Variants in KCNQ5 observed in about 807,000 individuals in gnomAD.
KCNQ5 encodes the protein potassium voltage-gated channel subfamily KQT member 5.
KCNQ5 carries 30 observed loss-of-function variants against 98.2 expected under a neutral mutation model. That is an observed-to-expected ratio of 0.31 (90% CI 0.23 to 0.41). The LOEUF is 0.41. Among genes scored for constraint, KCNQ5 ranks in the 10% least tolerant of loss-of-function variants. The pLI is 1.00. For missense variants in KCNQ5, 835 were observed against 1,182.5 expected, an observed-to-expected ratio of 0.71 and a Z score of 4.31; for synonymous variants, 458 against 449.4, an observed-to-expected ratio of 1.02 and a Z score of -0.24.
At chr6:73,109,412 C>T (rs73753256) in intron 6 of KCNQ5, among the ~76,000 whole-genome samples, 2,602 of 152,202 alleles carry the variant, frequency 0.017, 74 homozygotes, top group African/African-American at 0.058. Flanking sequence ...GGATTATACA[C>T]ATATATGCAC....
chr6:72,934,683 T>A (rs1765826598), intron 1 of KCNQ5, among the ~76,000 whole-genome samples: 4 of 152,232 alleles, frequency 2.6e-5, no homozygotes. Flanking sequence ...TAGGGACTAA[T>A]CCTATGCTGA....
intron 1 of KCNQ5, among the ~76,000 whole-genome samples, chr6:72,718,227 A>G (rs541633346): frequency 1.3e-5 from 2 of 152,294 alleles, no homozygotes; most frequent in South Asian, 4.1e-4. Flanking sequence ...TTAGAAATCC[A>G]TGATCTTCTA....
At chr6:72,726,605 A>G (rs1406811651) in intron 1 of KCNQ5, among the ~76,000 whole-genome samples, 1 of 152,222 alleles carries the variant, frequency 6.6e-6, no homozygotes, top group Non-Finnish European at 1.5e-5. Context: ...ACCTTTAAAA[A>G]ATCTTGTGAA....
chr6:72,706,660 A>T (rs1329942076), intron 1 of KCNQ5, among the ~76,000 whole-genome samples: 1 of 152,240 alleles, frequency 6.6e-6, no homozygotes, highest in Admixed American at 6.5e-5. Flanking sequence ...TAATACAGCA[A>T]CCTAAACTGA....
chr6:72,834,522 G>C (rs550152858), intron 1 of KCNQ5, among the ~76,000 whole-genome samples: 1 of 152,168 alleles, frequency 6.6e-6, no homozygotes, highest in East Asian at 1.9e-4. Flanking sequence ...TGCAAGACCT[G>C]ATTACAGGTA....
At chr6:72,932,183 T>C (rs1221765036) in intron 1 of KCNQ5, among the ~76,000 whole-genome samples, 2 of 152,044 alleles carry the variant, frequency 1.3e-5, no homozygotes, top group African/African-American at 4.8e-5. Context: ...GTCTTAATAA[T>C]AGAAACATTG....
At chr6:72,987,557 G>T in intron 1 of KCNQ5, 1 of 643,608 alleles carries the variant, frequency 1.6e-6, no homozygotes, top group Non-Finnish European at 2.9e-6. Context: ...ACGATTGCAA[G>T]GTCCAACATA....
chr6:73,150,687 T>C (rs947348413), intron 10 of KCNQ5, among the ~76,000 whole-genome samples: 2 of 150,706 alleles, frequency 1.3e-5, no homozygotes, highest in Non-Finnish European at 3.0e-5. Context: ...TAAAGATGAG[T>C]GAAGTATTGA....
chr6:72,821,486 T>C (rs1213894098), intron 1 of KCNQ5, among the ~76,000 whole-genome samples: 1 of 152,164 alleles, frequency 6.6e-6, no homozygotes, highest in Non-Finnish European at 1.5e-5. Context: ...ATATTAGTTC[T>C]TGTTACTATG....
intron 1 of KCNQ5, among the ~76,000 whole-genome samples, chr6:72,720,286 CA>C (rs1769885197): frequency 6.6e-6 from 1 of 152,196 alleles, no homozygotes; most frequent in South Asian, 2.1e-4. Flanking sequence ...TCAGGTATTA[CA>C]ATGCTTTTTT....
chr6:72,680,941 G>T (rs900358093), intron 1 of KCNQ5, among the ~76,000 whole-genome samples: 1 of 152,206 alleles, frequency 6.6e-6, no homozygotes, highest in Non-Finnish European at 1.5e-5. Flanking sequence ...TTAGCAAGTG[G>T]CAACAGAAGA....
At chr6:73,015,805 AC>A (rs1420672915) in intron 2 of KCNQ5, among the ~76,000 whole-genome samples, 1 of 152,116 alleles carries the variant, frequency 6.6e-6, no homozygotes, top group African/African-American at 2.4e-5. Flanking sequence ...AAGGAAAAAC[AC>A]CCTTCCCTTA....
intron 1 of KCNQ5, among the ~76,000 whole-genome samples, chr6:72,843,874 A>G (rs890018453): frequency 6.6e-6 from 1 of 152,202 alleles, no homozygotes; most frequent in Non-Finnish European, 1.5e-5. Flanking sequence ...GAATGAGTTC[A>G]TGTCCTTTCA....
At chr6:72,932,430 C>G (rs1765729707) in intron 1 of KCNQ5, among the ~76,000 whole-genome samples, 1 of 152,094 alleles carries the variant, frequency 6.6e-6, no homozygotes, top group African/African-American at 2.4e-5. Context: ...TTTTTTAAAT[C>G]AGTTAGACCT....
chr6:72,748,237 A>C (rs1771501860), intron 1 of KCNQ5, among the ~76,000 whole-genome samples: 1 of 152,106 alleles, frequency 6.6e-6, no homozygotes, highest in African/African-American at 2.4e-5. Flanking sequence ...CAAATACAAA[A>C]ACTAGAGAAA....
intron 1 of KCNQ5, among the ~76,000 whole-genome samples, chr6:72,700,386 T>C (rs945328930): frequency 1.1e-4 from 16 of 152,294 alleles, no homozygotes; most frequent in African/African-American, 3.4e-4. Flanking sequence ...ATTTCTGCCA[T>C]GAATAATTCC....
intron 1 of KCNQ5, among the ~76,000 whole-genome samples, chr6:72,627,882 T>C (rs1027382780): frequency 1.3e-5 from 2 of 152,190 alleles, no homozygotes; most frequent in Non-Finnish European, 2.9e-5. Flanking sequence ...AGTTCAAAGA[T>C]CACTTCCTCT....
At chr6:72,651,180 A>G (rs1174417946) in intron 1 of KCNQ5, among the ~76,000 whole-genome samples, 1 of 152,036 alleles carries the variant, frequency 6.6e-6, no homozygotes, top group Non-Finnish European at 1.5e-5. Flanking sequence ...TTACCTTTTA[A>G]TCTCATCTGT....
chr6:72,770,120 G>A (rs1183899266), intron 1 of KCNQ5, among the ~76,000 whole-genome samples: 1 of 152,108 alleles, frequency 6.6e-6, no homozygotes, highest in Non-Finnish European at 1.5e-5. Flanking sequence ...GTTTTAAAAT[G>A]GATTTTAATG....
Sources: gnomAD v4.1 joint callset for allele counts (sites outside exome capture counted in the v4.1 genomes callset) on GRCh38, gnomAD v4.1.1 for gene constraint, MANE v1.5 for transcripts, NCBI Gene and HGNC (gene_info 2026-07-23, HGNC 2026-07-21) for gene names.